The following SPOCK1 variants were observed in gnomAD, a reference collection of about 807,000 sequenced individuals.
The protein encoded by SPOCK1 is testican-1.
SPOCK1 carries 23 observed loss-of-function variants against 55.3 expected under a neutral mutation model. The ratio of observed to expected loss-of-function variants is 0.42; its 90% CI spans 0.30 to 0.59. The LOEUF (loss-of-function observed/expected upper bound fraction) is 0.59. SPOCK1 is among the 20% of genes least tolerant of loss of function. The pLI is 0.22. For missense variants in SPOCK1, 499 were observed against 552.5 expected (o/e 0.90, Z 0.97); for synonymous variants, 226 against 221.0 (o/e 1.02, Z -0.20).
chr5:137,161,007 GAT>G (rs34405933), intron 3 of SPOCK1, among the ~76,000 whole-genome samples: 50,645 of 141,732 alleles, frequency 0.36, 9,503 homozygotes, highest in South Asian at 0.47. Context: ...GAAACTGTGA[GAT>G]ATATATATAT....
chr5:137,124,319 T>A (rs770849281), intron 4 of SPOCK1, among the ~76,000 whole-genome samples: 14 of 152,154 alleles, frequency 9.2e-5, no homozygotes, highest in Non-Finnish European at 1.6e-4. Context: ...GCCCCTCTTC[T>A]CTGTGCTTCT....
chr5:137,293,663 C>G (rs908815639), intron 2 of SPOCK1, among the ~76,000 whole-genome samples: 24 of 152,202 alleles, frequency 1.6e-4, no homozygotes, highest in African/African-American at 5.3e-4. Context: ...TATACACAGA[C>G]AAGAGCTCGG....
At chr5:137,008,295 T>TACACACAC (rs141325417) in intron 6 of SPOCK1, among the ~76,000 whole-genome samples, 46,518 of 138,112 alleles carry the variant, frequency 0.34, 9,164 homozygotes, top group Non-Finnish European at 0.45. Flanking sequence ...TAATAATAAA[T>TACACACAC]ACACACACAC....
intron 3 of SPOCK1, among the ~76,000 whole-genome samples, chr5:137,243,798 C>G (rs1212985132): frequency 6.6e-6 from 1 of 152,112 alleles, no homozygotes; most frequent in Non-Finnish European, 1.5e-5. Context: ...CTGCAGCCAC[C>G]AGAACTAATG....
chr5:137,112,722 T>C (rs938975213), intron 4 of SPOCK1, among the ~76,000 whole-genome samples, 161 bp from the exon 5 acceptor site: 1 of 151,896 alleles, frequency 6.6e-6, no homozygotes. Flanking sequence ...TCCAACTCAT[T>C]GATAGGAAGC....
At chr5:137,472,907 T>C (rs1474170343) in intron 2 of SPOCK1, among the ~76,000 whole-genome samples, 1 of 152,220 alleles carries the variant, frequency 6.6e-6, no homozygotes, top group Non-Finnish European at 1.5e-5. Context: ...TACACTGTGA[T>C]ACCATTCCTC....
chr5:136,983,192 A>G (rs1750766350), intron 9 of SPOCK1, among the ~76,000 whole-genome samples: 2 of 152,122 alleles, frequency 1.3e-5, no homozygotes, highest in Non-Finnish European at 2.9e-5. Flanking sequence ...GCGTGCTTAC[A>G]TTTTCAAATT....
chr5:137,370,643 C>T (rs1358173783), intron 2 of SPOCK1, among the ~76,000 whole-genome samples: 1 of 152,184 alleles, frequency 6.6e-6, no homozygotes, highest in African/African-American at 2.4e-5. Flanking sequence ...TGGAATTTAG[C>T]TAATGTGGTA....
intron 2 of SPOCK1, among the ~76,000 whole-genome samples, chr5:137,384,522 G>A (rs1751555954): frequency 1.3e-5 from 2 of 148,986 alleles, no homozygotes; most frequent in Non-Finnish European, 2.9e-5. Context: ...ATACATACAT[G>A]CATGCATGCA....
intron 2 of SPOCK1, among the ~76,000 whole-genome samples, chr5:137,358,481 A>AGGGGAGGGGG (rs1364476155): frequency 3.5e-5 from 3 of 86,926 alleles, no homozygotes; most frequent in Non-Finnish European, 7.0e-5. Context: ...AGGGGAGGGG[A>AGGGGAGGGGG]GGATGGAAGG....
intron 2 of SPOCK1, among the ~76,000 whole-genome samples, chr5:137,457,957 C>T (rs1186943726): frequency 6.6e-6 from 1 of 152,062 alleles, no homozygotes; most frequent in East Asian, 1.9e-4. Context: ...ATAAAGAAAA[C>T]AGTGGCAGCC....
chr5:137,107,888 T>C (rs981810197), intron 5 of SPOCK1, among the ~76,000 whole-genome samples: 55 of 152,328 alleles, frequency 3.6e-4, no homozygotes, highest in African/African-American at 1.3e-3. Flanking sequence ...AATGTGATTA[T>C]GTATTATGGA....
chr5:137,074,863 C>T (rs548258090), intron 5 of SPOCK1, among the ~76,000 whole-genome samples: 90 of 152,184 alleles, frequency 5.9e-4, no homozygotes, highest in Non-Finnish European at 1.2e-3. Context: ...CGCCACCACG[C>T]CCGACTAATT....
chr5:137,384,942 A>G (rs2127176612), intron 2 of SPOCK1, among the ~76,000 whole-genome samples: 1 of 152,182 alleles, frequency 6.6e-6, no homozygotes, highest in South Asian at 2.1e-4. Context: ...TGACTTGACC[A>G]TAACTACTGT....
At chr5:137,369,028 C>T (rs1046540809) in intron 2 of SPOCK1, among the ~76,000 whole-genome samples, 4 of 152,180 alleles carry the variant, frequency 2.6e-5, no homozygotes, top group African/African-American at 4.8e-5. Context: ...CTTTCCCATC[C>T]GGCCTGGTGC....
chr5:137,190,053 C>T, intron 3 of SPOCK1, among the ~76,000 whole-genome samples: 1 of 139,436 alleles, frequency 7.2e-6, no homozygotes, highest in Non-Finnish European at 1.6e-5. Context: ...GGAGTTGCTT[C>T]CTATGGATGA....
At chr5:137,352,738 G>A (rs1003988180) in intron 2 of SPOCK1, among the ~76,000 whole-genome samples, 2 of 152,180 alleles carry the variant, frequency 1.3e-5, no homozygotes, top group Non-Finnish European at 2.9e-5. Flanking sequence ...AAGGCAGCCA[G>A]AACCATGCAG....
intron 4 of SPOCK1, among the ~76,000 whole-genome samples, chr5:137,138,297 T>TG (rs953101797): frequency 6.6e-6 from 1 of 152,146 alleles, no homozygotes; most frequent in Non-Finnish European, 1.5e-5. Context: ...GCAAAAGTGT[T>TG]GGTGCTTCCA....
chr5:137,181,541 T>C (rs1388585762), intron 3 of SPOCK1, among the ~76,000 whole-genome samples: 1 of 152,220 alleles, frequency 6.6e-6, no homozygotes, highest in Non-Finnish European at 1.5e-5. Context: ...GTCACAGGGC[T>C]GGACTTGGAG....
Sources: gnomAD v4.1 joint callset for allele counts (sites outside exome capture counted in the v4.1 genomes callset) on GRCh38, gnomAD v4.1.1 for gene constraint, MANE v1.5 for transcripts, NCBI Gene and HGNC (gene_info 2026-07-23, HGNC 2026-07-21) for gene names.